LITAF: variants seen among roughly 807,000 people sequenced by gnomAD.
The protein encoded by LITAF is lipopolysaccharide-induced tumor necrosis factor-alpha factor.
Under a neutral mutation model 14.5 loss-of-function variants are expected in LITAF, and 9 were observed. The observed-to-expected ratio is 0.62, with a 90% CI of 0.37 to 1.08. LITAF has a LOEUF of 1.08. Among genes scored for constraint, LITAF ranks in the 50% least tolerant of loss-of-function variants. The probability of loss-of-function intolerance (pLI) is 0.01; values close to 1 mark genes in which losing one functional copy is unlikely to be tolerated. For synonymous variants in LITAF, 98 were observed against 88.2 expected (o/e 1.11, Z -0.62); for missense variants, 206 against 213.4 (o/e 0.97, Z 0.22).
At chr16:11,570,640 T>C (rs1361782685) in intron 1 of LITAF, among the ~76,000 whole-genome samples, 1 of 151,966 alleles carries the variant, frequency 6.6e-6, no homozygotes, top group Non-Finnish European at 1.5e-5. Context: ...GATGAGGGGG[T>C]TATTCTGGAT....
At chr16:11,622,088 T>A (rs550057475) in intron 3 of LITAF, among the ~76,000 whole-genome samples, 1 of 152,164 alleles carries the variant, frequency 6.6e-6, no homozygotes, top group Non-Finnish European at 1.5e-5. Flanking sequence ...GAGCTGTCGG[T>A]GGCTGATGAG....
intron 1 of LITAF, among the ~76,000 whole-genome samples, chr16:11,585,588 T>G (rs1028515576): frequency 1.3e-5 from 2 of 152,046 alleles, no homozygotes; most frequent in Non-Finnish European, 2.9e-5. Flanking sequence ...AGCCTGCACT[T>G]CTCTCTGTAG....
At chr16:11,615,524 T>C (rs2065014036) in intron 3 of LITAF, among the ~76,000 whole-genome samples, 1 of 149,588 alleles carries the variant, frequency 6.7e-6, no homozygotes, top group Non-Finnish European at 1.5e-5. Flanking sequence ...GCAAAAAGAG[T>C]GAAACTCCGT....
intron 3 of LITAF, among the ~76,000 whole-genome samples, chr16:11,604,807 GAAGTGTGATTACTGACGAGAA>G (rs1187293943): frequency 6.7e-6 from 1 of 150,216 alleles, no homozygotes; most frequent in Non-Finnish European, 1.5e-5. Flanking sequence ...CAAATTCCCA[GAAGTGTGATTACTGACGAGAA>G]AAGTATAGAC....
intron 1 of LITAF, among the ~76,000 whole-genome samples, chr16:11,593,345 ACT>A (rs2064860094): frequency 1.4e-5 from 2 of 142,244 alleles, no homozygotes; most frequent in African/African-American, 5.3e-5. Context: ...GACAAGCGAA[ACT>A]CTGTCTCAAA....
At chr16:11,601,430 G>A (rs1200073819), upstream of LITAF, among the ~76,000 whole-genome samples, 2 of 152,054 alleles carry the variant, frequency 1.3e-5, no homozygotes, top group Non-Finnish European at 2.9e-5. Context: ...TCTCTCTCTT[G>A]GCCACACAGA....
intron 1 of LITAF, among the ~76,000 whole-genome samples, chr16:11,578,126 TG>T (rs1222378626): frequency 6.6e-6 from 1 of 151,994 alleles, no homozygotes; most frequent in East Asian, 1.9e-4. Flanking sequence ...CTTAAACTCG[TG>T]GGTTCAAGTA....
upstream of LITAF, among the ~76,000 whole-genome samples, chr16:11,590,194 C>T (rs1377611918): frequency 5.4e-5 from 6 of 111,884 alleles, no homozygotes; most frequent in Admixed American, 1.7e-4. Context: ...GAAGTTCAAA[C>T]AAGACCTATA....
Position 11,549,782 on chromosome 16 carries a change from A to T in LITAF, c.378-37T>A. 1 of 1,520,102 alleles carries T rather than the reference A, an allele frequency of 6.6e-7. No homozygotes were observed. The highest frequency in any genetic ancestry group is 9.1e-7 in the Non-Finnish European group (1 of 1,103,478). 94.2% of individuals were successfully genotyped at this position (1,520,102 alleles called of 1,614,324 possible). A position where few individuals can be genotyped will look rare whatever the true frequency, so the allele number is the denominator to read the frequency against. ...GAGAGACACACGGAGCGCGTTACTGATCACAACAGGGTGAACACTGGCTGC... is the reference window on the plus strand; with the variant it reads ...GAGAGACACACGGAGCGCGTTACTGTTCACAACAGGGTGAACACTGGCTGC... On this transcript the variant is annotated intron_variant, in intron 3 of 3. Transcript: ENST00000622633. This position sits in a 1 kb window ranked among gnomAD's most constrained non-coding sequence, Gnocchi z 4.6.
chr16:11,594,201 T>A (rs2064867282), intron 1 of LITAF, among the ~76,000 whole-genome samples: 1 of 150,358 alleles, frequency 6.7e-6, no homozygotes, highest in Non-Finnish European at 1.5e-5. Flanking sequence ...AAAAAAAAAA[T>A]TCTAGAACTA....
upstream of LITAF, among the ~76,000 whole-genome samples, chr16:11,637,206 T>C (rs1274549680): frequency 3.3e-5 from 5 of 152,224 alleles, no homozygotes. Context: ...AAATAATTTC[T>C]TTCTATCTCC....
At chr16:11,637,616 G>T (rs1162774746), upstream of LITAF, among the ~76,000 whole-genome samples, 1 of 152,204 alleles carries the variant, frequency 6.6e-6, no homozygotes, top group East Asian at 1.9e-4. Context: ...AGCATAGGCT[G>T]CACGCAGCGG....
rs979158997 is a variant in LITAF, at chr16:11,632,532, G to A, written c.85+1001C>T. ...ACTAACAGCTACCCCTGACTCTGCG[G>A]GCCCAGAGCAGATCACTGCCAGCCG... On this transcript the variant is annotated intron_variant, in intron 3 of 3. Coordinates refer to the LITAF transcript ENST00000574848. The surrounding 1 kb of genome is among the most constrained non-coding windows in gnomAD (Gnocchi z 4.8). Among the ~76,000 whole-genome samples, 29 of 152,228 alleles carry A rather than the reference G, an allele frequency of 1.9e-4. No homozygotes were observed. The highest frequency in any genetic ancestry group is 5.8e-4 in the African/African-American group (24 of 41,456).
At chr16:11,616,483 A>T (rs2065020503) in intron 3 of LITAF, among the ~76,000 whole-genome samples, 1 of 151,626 alleles carries the variant, frequency 6.6e-6, no homozygotes, top group Non-Finnish European at 1.5e-5. Context: ...GTCTCAACAA[A>T]ACAAAACAAG....
chr16:11,629,879 G>C (rs991815192), intron 3 of LITAF, among the ~76,000 whole-genome samples: 2 of 152,286 alleles, frequency 1.3e-5, no homozygotes, highest in African/African-American at 4.8e-5. Context: ...ACAGCCTGGC[G>C]CATGGCAAGT....
At chr16:11,575,187 A>G (rs1291348460) in intron 1 of LITAF, among the ~76,000 whole-genome samples, 1 of 151,992 alleles carries the variant, frequency 6.6e-6, no homozygotes, top group Non-Finnish European at 1.5e-5. Context: ...AAGGATTGAG[A>G]GATGTGGACC....
intron 1 of LITAF, among the ~76,000 whole-genome samples, chr16:11,570,264 A>G (rs1281507103): frequency 1.3e-5 from 2 of 152,162 alleles, no homozygotes; most frequent in African/African-American, 4.8e-5. Context: ...AATACACCGG[A>G]ACATTGGGTA....
At chr16:11,590,726 TTTG>T (rs1231208104), upstream of LITAF, among the ~76,000 whole-genome samples, 2 of 116,920 alleles carry the variant, frequency 1.7e-5, no homozygotes, top group Non-Finnish European at 3.4e-5. Context: ...AATCTCTGTT[TTTG>T]TTGTTGTTGT....
chr16:11,612,634 C>T (rs1186603664), intron 3 of LITAF, among the ~76,000 whole-genome samples: 1 of 152,210 alleles, frequency 6.6e-6, no homozygotes, highest in Non-Finnish European at 1.5e-5. Context: ...GGCAGGAGCC[C>T]TCGCAGAGAC....
Sources: allele counts gnomAD v4.1 joint callset (sites outside exome capture counted in the v4.1 genomes callset), GRCh38; gene constraint gnomAD v4.1.1; non-coding constraint Gnocchi (gnomAD v3.1); transcripts MANE v1.5; gene names NCBI Gene and HGNC (gene_info 2026-07-23, HGNC 2026-07-21).